BASP1: variants seen among roughly 807,000 people sequenced by gnomAD.
BASP1 encodes the protein brain abundant membrane attached signal protein 1, also known as brain acid soluble protein 1.
A neutral mutation model predicts 2.2 loss-of-function variants in BASP1; 1 was observed. That is an observed-to-expected ratio of 0.46 (90% CI 0.16 to 2.17). The LOEUF (loss-of-function observed/expected upper bound fraction) is 2.17. BASP1 is among the 30% of genes most tolerant of loss of function. BASP1 has a pLI of 0.27. For missense variants in BASP1, 352 were observed against 327.2 expected, an observed-to-expected ratio of 1.08 and a Z score of -0.58; for synonymous variants, 187 against 154.2, an observed-to-expected ratio of 1.21 and a Z score of -1.58.
chr5:17,272,071 G>GA (rs778258451), intron 1 of BASP1, among the ~76,000 whole-genome samples: 1,347 of 60,190 alleles, frequency 0.022, 18 homozygotes, highest in African/African-American at 0.052. Context: ...TGCATTTCAA[G>GA]AAAAAAAAAA....
intron 1 of BASP1, among the ~76,000 whole-genome samples, chr5:17,267,335 T>C (rs1282492683): frequency 6.6e-6 from 1 of 152,220 alleles, no homozygotes; most frequent in Non-Finnish European, 1.5e-5. Flanking sequence ...ACCTGACTTT[T>C]CTGACAGTTA....
chr5:17,276,538 C>G lies in BASP1; in HGVS notation c.*638C>G, dbSNP rs1393228. 6.1e-6 allele frequency: 1 copy of G among 165,240 alleles called. No homozygotes were observed. Among genetic ancestry groups the G allele is most frequent in the African/African-American group, 2.5e-5 (1 of 40,756 alleles). 10.2% of individuals were successfully genotyped at this position (165,240 alleles called of 1,614,324 possible). On this transcript the variant is annotated 3_prime_UTR_variant, in exon 2 of 2. Coordinates refer to ENST00000322611, the MANE Select transcript of BASP1 (RefSeq NM_006317.5). ...TATTTTTGGGAGTGACAAACATTCT[C>G]TCATCCTACTTAGCCTACCTAGATT...
chr5:17,230,057 T>G (rs1739601707), intron 1 of BASP1, among the ~76,000 whole-genome samples: 1 of 152,170 alleles, frequency 6.6e-6, no homozygotes, highest in Admixed American at 6.5e-5. Flanking sequence ...TGGCCCAGAC[T>G]TGAGTTTTCT....
At chr5:17,248,944 A>G (rs1740046446) in intron 1 of BASP1, among the ~76,000 whole-genome samples, 2 of 152,158 alleles carry the variant, frequency 1.3e-5, no homozygotes, top group South Asian at 4.1e-4. Context: ...TCCATGTCAT[A>G]GTAACCATCA....
chr5:17,272,545 G>T (rs1199073210), intron 1 of BASP1, among the ~76,000 whole-genome samples: 3 of 152,152 alleles, frequency 2.0e-5, no homozygotes, highest in Admixed American at 6.5e-5. Context: ...CTAGGAAACA[G>T]TTAATAGATG....
intron 1 of BASP1, among the ~76,000 whole-genome samples, chr5:17,258,429 A>G (rs1740255769): frequency 6.6e-6 from 1 of 152,184 alleles, no homozygotes; most frequent in Non-Finnish European, 1.5e-5. Flanking sequence ...TACCTGGTCA[A>G]CTTGGTAGAA....
At chr5:17,219,016 C>T (rs75585847) in intron 1 of BASP1, among the ~76,000 whole-genome samples, 7 of 152,084 alleles carry the variant, frequency 4.6e-5, no homozygotes, top group African/African-American at 1.4e-4. Flanking sequence ...CCTCTGTCTC[C>T]CCCGCGGCCA....
chr5:17,225,835 T>C (rs1200669081), intron 1 of BASP1, among the ~76,000 whole-genome samples: 6 of 152,218 alleles, frequency 3.9e-5, no homozygotes, highest in African/African-American at 1.4e-4. Context: ...ATCTTTTTTA[T>C]TTAAAATTAC....
intron 1 of BASP1, among the ~76,000 whole-genome samples, chr5:17,265,890 G>A (rs1740406425): frequency 6.6e-6 from 1 of 152,196 alleles, no homozygotes; most frequent in Non-Finnish European, 1.5e-5. Context: ...AGGCAGCAGG[G>A]CTGACCCATG....
At position 17,276,449 on chromosome 5, in the gene BASP1, G is replaced by C. The variant is rs894123585; in HGVS notation, c.*549G>C. The C allele has an allele frequency of 6.0e-6, 1 of 167,044 alleles. No individual in the cohort carries two copies. 10.3% of individuals were successfully genotyped at this position (167,044 alleles called of 1,614,324 possible). On this transcript the variant is annotated 3_prime_UTR_variant, in exon 2 of 2. Transcript: ENST00000322611. ...TGTTGTGGATGAATGCCAGCTTTCA[G>C]ACAGAGCCCACTTAGCTTGTCCACA...
chr5:17,239,470 TA>T (rs937482730), intron 1 of BASP1, among the ~76,000 whole-genome samples: 1 of 152,180 alleles, frequency 6.6e-6, no homozygotes, highest in Non-Finnish European at 1.5e-5. Flanking sequence ...TTGAGGTTAC[TA>T]AACTCAGTAT....
At chr5:17,228,824 G>A (rs1288993999) in intron 1 of BASP1, among the ~76,000 whole-genome samples, 2 of 152,182 alleles carry the variant, frequency 1.3e-5, no homozygotes, top group Non-Finnish European at 2.9e-5. Context: ...TACGACTAAA[G>A]CGGGATTCTT....
chr5:17,234,939 G>A lies in BASP1; in HGVS notation c.-10+17129G>A, dbSNP rs115697771. Among the ~76,000 whole-genome samples, 481 of 152,188 alleles carry A rather than the reference G, an allele frequency of 3.2e-3. 4 individuals carry two copies. The highest frequency in any genetic ancestry group is 0.011 in the African/African-American group (461 of 41,530). On this transcript the variant is annotated intron_variant, in intron 1 of 1. Transcript: ENST00000322611. ...ATGTGAATATCACTGTAGAGAATAT[G>A]GAAGAATTCAGCATCGATTACATTT... is the stretch of plus-strand genomic sequence containing the variant.
intron 1 of BASP1, among the ~76,000 whole-genome samples, chr5:17,237,250 A>G (rs576574430): frequency 6.6e-6 from 1 of 152,300 alleles, no homozygotes; most frequent in African/African-American, 2.4e-5. Context: ...AGGCTGAGGC[A>G]GGAGAATGGC....
In BASP1 at chr5:17,236,184, C is replaced by T. The variant is rs1739741583; in HGVS notation, c.-10+18374C>T. On this transcript the variant is annotated intron_variant, in intron 1 of 1. Coordinates refer to ENST00000322611, the MANE Select transcript of BASP1 (RefSeq NM_006317.5). The surrounding 1 kb of genome is among the most constrained non-coding windows in gnomAD (Gnocchi z 4.0). ...ACTATTCTACCTTGGGGGAGAAAAG[C>T]AAAAATGATTTCTTATTACACGTAT... 6.6e-6 allele frequency among the ~76,000 whole-genome samples: 1 copy of T among 152,064 alleles called. No individual in the cohort carries two copies. The highest frequency in any genetic ancestry group is 2.4e-5 in the African/African-American group (1 of 41,426).
intron 1 of BASP1, among the ~76,000 whole-genome samples, chr5:17,273,942 G>C (rs759401404): frequency 6.6e-6 from 1 of 152,176 alleles, no homozygotes; most frequent in Non-Finnish European, 1.5e-5. Flanking sequence ...GATTTTCACT[G>C]ATGTGTGGTG....
chr5:17,219,887 A>G (rs528303591), intron 1 of BASP1, among the ~76,000 whole-genome samples: 2 of 152,326 alleles, frequency 1.3e-5, no homozygotes, highest in South Asian at 2.1e-4. Context: ...AAGCTGGTTG[A>G]TTAGGTTCGC....
intron 1 of BASP1, among the ~76,000 whole-genome samples, chr5:17,271,854 G>A (rs953649487): frequency 1.1e-4 from 17 of 151,978 alleles, no homozygotes; most frequent in Admixed American, 1.1e-3. Context: ...ATCACCTGAG[G>A]TCAGGAGTTC....
intron 1 of BASP1, among the ~76,000 whole-genome samples, chr5:17,238,072 TTTGA>T (rs1184296796): frequency 2.6e-5 from 4 of 152,192 alleles, no homozygotes; most frequent in Non-Finnish European, 4.4e-5. Context: ...ATATACACAG[TTTGA>T]TTGGCACTCC....
Sources: allele counts gnomAD v4.1 joint callset (sites outside exome capture counted in the v4.1 genomes callset), GRCh38; gene constraint gnomAD v4.1.1; non-coding constraint Gnocchi (gnomAD v3.1); transcripts MANE v1.5; gene names NCBI Gene and HGNC (gene_info 2026-07-23, HGNC 2026-07-21).